PARD3: variants seen among roughly 807,000 people sequenced by gnomAD.
The protein encoded by PARD3 is par-3 family cell polarity regulator.
A neutral mutation model predicts 155.4 loss-of-function variants in PARD3; 75 were observed. The observed-to-expected ratio is 0.48, with a 90% CI of 0.40 to 0.58. The LOEUF is 0.58. Ranked by LOEUF, PARD3 falls within the 20% of genes least tolerant of loss-of-function variation. PARD3 has a pLI of 0.00. For synonymous variants in PARD3, 576 were observed against 610.5 expected (o/e 0.94, Z 0.83); for missense variants, 1,642 against 1,721.7 (o/e 0.95, Z 0.82).
intron 13 of PARD3, 65 bp from the exon 14 acceptor site, chr10:34,359,382 C>A: frequency 7.1e-6 from 8 of 1,127,800 alleles, no homozygotes; most frequent in South Asian, 5.1e-5. Flanking sequence ...GTAGCTTTTC[C>A]TTTAGTTAAT....
At chr10:34,707,390 A>G (rs1272728239) in intron 1 of PARD3, among the ~76,000 whole-genome samples, 1 of 152,170 alleles carries the variant, frequency 6.6e-6, no homozygotes, top group Admixed American at 6.5e-5. Flanking sequence ...GGCCAGCATC[A>G]CCTGATAATA....
chr10:34,622,101 T>C (rs532072088), intron 2 of PARD3, among the ~76,000 whole-genome samples: 1 of 152,350 alleles, frequency 6.6e-6, no homozygotes, highest in South Asian at 2.1e-4. Context: ...AAGCTTATAT[T>C]ACATCTGACA....
intron 1 of PARD3, among the ~76,000 whole-genome samples, chr10:34,786,570 T>C (rs557729653): frequency 6.6e-6 from 1 of 152,266 alleles, no homozygotes. Context: ...ATTTTATGAA[T>C]GGCAAATGCA....
intron 2 of PARD3, among the ~76,000 whole-genome samples, chr10:34,665,874 A>ACCAGAACCAGAAC (rs1564479777): frequency 6.6e-6 from 1 of 150,436 alleles, no homozygotes; most frequent in African/African-American, 2.5e-5. Context: ...ACAGAACAGA[A>ACCAGAACCAGAAC]CAGAACAGAA....
chr10:34,581,572 T>C (rs1206616681), intron 2 of PARD3, among the ~76,000 whole-genome samples: 2 of 152,188 alleles, frequency 1.3e-5, no homozygotes, highest in African/African-American at 4.8e-5. Context: ...TTAAAAACCA[T>C]TGCACAGAGT....
At chr10:34,138,993 T>A (rs1306650602) in intron 22 of PARD3, among the ~76,000 whole-genome samples, 2 of 151,980 alleles carry the variant, frequency 1.3e-5, no homozygotes, top group African/African-American at 2.4e-5. Context: ...CTTTTTCCTA[T>A]TGATACATTT....
chr10:34,769,805 A>C (rs1473105728), intron 1 of PARD3, among the ~76,000 whole-genome samples: 1 of 11,796 alleles, frequency 8.5e-5, no homozygotes, highest in African/African-American at 3.5e-4. Flanking sequence ...AAAACAAAAC[A>C]AAAAAAAAAA....
chr10:34,658,106 A>G (rs1590452206), intron 2 of PARD3, among the ~76,000 whole-genome samples: 1 of 151,530 alleles, frequency 6.6e-6, no homozygotes, highest in South Asian at 2.1e-4. Context: ...AGATTGCGCC[A>G]CTGCACTCCA....
In PARD3 at chr10:34,716,588, T is replaced by C. The variant is rs989554048; in HGVS notation, c.121-20169A>G. Among the ~76,000 whole-genome samples, 1,146 of 116,240 alleles carry C rather than the reference T, an allele frequency of 9.9e-3. 18 individuals carry two copies. Among genetic ancestry groups the C allele is most frequent in the African/African-American group, 0.053 (1,094 of 20,688 alleles). The allele number at this position is 116,240 out of a possible 152,430, so 76.3% of individuals were successfully genotyped here. On this transcript the variant is annotated intron_variant, in intron 1 of 24. Coordinates refer to ENST00000374788, the MANE Select transcript of PARD3 (RefSeq NM_001184785.2). Reference sequence around the variant, plus strand: ...CGTGTGGCCCAGGATGGCTTTTCTTTTTTTTTTTTTTTTTTTTTTTTGAGA... The same window carrying C: ...CGTGTGGCCCAGGATGGCTTTTCTTCTTTTTTTTTTTTTTTTTTTTTGAGA...
chr10:34,649,087 G>A (rs1242970125), intron 2 of PARD3, among the ~76,000 whole-genome samples: 1 of 152,186 alleles, frequency 6.6e-6, no homozygotes, highest in Non-Finnish European at 1.5e-5. Context: ...CAAGTAGCCA[G>A]TAAAGGCCAG....
chr10:34,390,815 AGTTT>A (rs1240923872), intron 7 of PARD3, among the ~76,000 whole-genome samples: 3 of 152,232 alleles, frequency 2.0e-5, no homozygotes, highest in Non-Finnish European at 4.4e-5. Context: ...CAAACAATAT[AGTTT>A]TTTTTGTGTG....
intron 4 of PARD3, among the ~76,000 whole-genome samples, chr10:34,460,140 G>C (rs1392447724): frequency 1.3e-5 from 2 of 152,116 alleles, no homozygotes; most frequent in Non-Finnish European, 2.9e-5. Flanking sequence ...CTAAAGAACT[G>C]AGTTCCTCTC....
chr10:34,123,373 C>T lies in PARD3; in HGVS notation c.3541-3633G>A, dbSNP rs192891626. Among the ~76,000 whole-genome samples the T allele has an allele frequency of 2.6e-5, 4 of 152,164 alleles. No individual in the cohort carries two copies. In the East Asian group the frequency reaches 5.8e-4, roughly 22 times the overall value. Reference sequence around the variant, plus strand: ...GGATAATAATTCAAGCTTGAGGAAGCTATACAATGTTGGTATCATTTAGTA... The same window carrying T: ...GGATAATAATTCAAGCTTGAGGAAGTTATACAATGTTGGTATCATTTAGTA... On this transcript the variant is annotated intron_variant, in intron 23 of 24. Transcript: ENST00000374788.
chr10:34,178,112 T>C (rs1950116577), intron 22 of PARD3, among the ~76,000 whole-genome samples: 1 of 152,204 alleles, frequency 6.6e-6, no homozygotes, highest in South Asian at 2.1e-4. Flanking sequence ...CTAATTGGAA[T>C]AACACACTTT....
chr10:34,406,123 C>T (rs1036257228), intron 5 of PARD3, among the ~76,000 whole-genome samples: 8 of 152,044 alleles, frequency 5.3e-5, no homozygotes, highest in Non-Finnish European at 1.2e-4. Flanking sequence ...TGCTAGCAGA[C>T]TAAAACTAGG....
rs184737452 is a variant in PARD3 at position 34,151,513 on chromosome 10, C to T, written c.3420-19930G>A. Among the ~76,000 whole-genome samples the T allele has an allele frequency of 2.9e-4, 44 of 152,156 alleles. No homozygotes were observed. The East Asian group carries it at 7.7e-3, about 27-fold the overall frequency. On this transcript the variant is annotated intron_variant, in intron 22 of 24. Coordinates refer to ENST00000374788, the MANE Select transcript of PARD3 (RefSeq NM_001184785.2). The stretch of plus-strand genomic sequence containing the variant: ...ACAGCTCCAAATTTTCCAATTAAAG[C>T]TTCAGTTTGAGGTATACATTTTTTA...
At chr10:34,198,671 T>C (rs534889745) in intron 22 of PARD3, among the ~76,000 whole-genome samples, 1 of 152,168 alleles carries the variant, frequency 6.6e-6, no homozygotes, top group Non-Finnish European at 1.5e-5. Flanking sequence ...TCACTACCTG[T>C]CATTTTGTTT....
At chr10:34,691,761 A>G (rs1234295615) in intron 2 of PARD3, among the ~76,000 whole-genome samples, 2 of 151,414 alleles carry the variant, frequency 1.3e-5, no homozygotes, top group Non-Finnish European at 2.9e-5. Flanking sequence ...CCCATGGAAC[A>G]GAAGAGAGAG....
chr10:34,628,287 G>C (rs1194968185), intron 2 of PARD3, among the ~76,000 whole-genome samples: 2 of 152,204 alleles, frequency 1.3e-5, no homozygotes, highest in East Asian at 1.9e-4. Flanking sequence ...TTACTACAGA[G>C]TATTCAAGTA....
Sources: allele counts gnomAD v4.1 joint callset (sites outside exome capture counted in the v4.1 genomes callset), GRCh38; gene constraint gnomAD v4.1.1; transcripts MANE v1.5; gene names NCBI Gene and HGNC (gene_info 2026-07-23, HGNC 2026-07-21).